SCYGR2: variants seen among roughly 807,000 people sequenced by gnomAD.
SCYGR2 encodes small cysteine and glycine repeat containing 2, also known as small cysteine and glycine repeat-containing protein 2.
exon 1 of SCYGR2, chr2:227,599,069 C>A: frequency 2.5e-6 from 1 of 405,218 alleles, no homozygotes; most frequent in Non-Finnish European, 4.3e-6. Context: ...GCAGCTGCAC[C>A]ACCTGCAGGT....
At chr2:227,599,021 C>CTGT (rs1693639021) in exon 1 of SCYGR2, 3 of 163,664 alleles carry the variant, frequency 1.8e-5, no homozygotes, top group Non-Finnish European at 3.5e-5. Flanking sequence ...GTGGTGGCTG[C>CTGT]GGTGGTGGCT....
At chr2:227,599,187 T>C in exon 1 of SCYGR2, 1 of 396,002 alleles carries the variant, frequency 2.5e-6, no homozygotes, top group Non-Finnish European at 4.4e-6. Flanking sequence ...CTGCCACTCA[T>C]GTGGCTGTGG....
chr2:227,598,916 T>A (rs985962827), exon 1 of SCYGR2: 35 of 420,416 alleles, frequency 8.3e-5, no homozygotes, highest in Non-Finnish European at 1.4e-4. Flanking sequence ...GTTGTGGAGG[T>A]TGTGGTGGCT....
exon 1 of SCYGR2, chr2:227,598,983 T>TGTGGTGGTG (rs1693637172): frequency 2.1e-5 from 8 of 389,680 alleles, no homozygotes; most frequent in Non-Finnish European, 3.1e-5. Flanking sequence ...TGGTGGTGGC[T>TGTGGTGGTG]GCGGTGGTGG....
chr2:227,599,033 C>T (rs78496798), exon 1 of SCYGR2: 58 of 364,346 alleles, frequency 1.6e-4, no homozygotes, highest in South Asian at 4.4e-4. Context: ...GTGGTGGCTG[C>T]GGTGGTGGCT....
At chr2:227,599,176 C>A in exon 1 of SCYGR2, 1 of 399,296 alleles carries the variant, frequency 2.5e-6, no homozygotes, top group Non-Finnish European at 4.4e-6. Flanking sequence ...TGCCGCCGCA[C>A]CTGCCACTCA....
chr2:227,599,009 T>TGGTGGTGGGTGC (rs1693638580), exon 1 of SCYGR2: 5 of 382,102 alleles, frequency 1.3e-5, no homozygotes, highest in African/African-American at 1.1e-4. Flanking sequence ...GTGGTGGCTG[T>TGGTGGTGGGTGC]GGTGGTGGCT....
exon 1 of SCYGR2, chr2:227,599,191 G>C (rs1414629588): frequency 4.5e-5 from 18 of 399,740 alleles, no homozygotes; most frequent in Non-Finnish European, 4.4e-6. Context: ...CACTCATGTG[G>C]CTGTGGCTGT....
exon 1 of SCYGR2, chr2:227,599,230 G>A (rs1197136777): frequency 5.0e-6 from 2 of 399,620 alleles, no homozygotes; most frequent in Non-Finnish European, 8.8e-6. Flanking sequence ...CAGAAATGCT[G>A]CTGCCAGAAG....
exon 1 of SCYGR2, chr2:227,599,029 G>A (rs1302751532): frequency 8.1e-6 from 3 of 370,844 alleles, no homozygotes; most frequent in African/African-American, 6.4e-5. Flanking sequence ...TGCGGTGGTG[G>A]CTGCGGTGGT....
At chr2:227,598,962 G>A (rs1284745993) in exon 1 of SCYGR2, 1 of 243,482 alleles carries the variant, frequency 4.1e-6, no homozygotes, top group African/African-American at 2.9e-5. Flanking sequence ...TGGTGGCTGT[G>A]GTGGTGGCTG....
Position 227,598,973 on chromosome 2 carries a change from T to TGGTGGTAGCTGC in SCYGR2, c.87_88insAGCTGCGGTGGT (p.Gly29_Gly30insSerCysGlyGly), listed in dbSNP as rs1693636955. The stretch of plus-strand genomic sequence containing the variant: ...GCGGTGGTGGCTGTGGTGGTGGCTG[T>TGGTGGTAGCTGC]GGTGGTGGCTGCGGTGGTGGCTGTG... On this transcript the variant is annotated inframe_insertion, in exon 1 of 1. Transcript: ENST00000641394. 4.8e-5 allele frequency: 7 copies of TGGTGGTAGCTGC among 145,978 alleles called. No individual in the cohort carries two copies. The East Asian group carries it at 8.7e-4, about 18-fold the overall frequency. 9.0% of individuals were successfully genotyped at this position (145,978 alleles called of 1,614,324 possible).
chr2:227,599,045 T>C (rs112423131), exon 1 of SCYGR2: 3,998 of 265,046 alleles, frequency 0.015, 54 homozygotes, highest in African/African-American at 0.049. Context: ...GTGGTGGCTG[T>C]GGTGGTAGCT....
exon 1 of SCYGR2, chr2:227,598,956 G>A: frequency 6.7e-6 from 2 of 296,518 alleles, no homozygotes; most frequent in Non-Finnish European, 6.1e-6. Context: ...CTGCGGTGGT[G>A]GCTGTGGTGG....
chr2:227,599,181 C>G (rs79826578), exon 1 of SCYGR2: 12 of 398,948 alleles, frequency 3.0e-5, no homozygotes, highest in East Asian at 3.6e-5. Flanking sequence ...CCGCACCTGC[C>G]ACTCATGTGG....
exon 1 of SCYGR2, chr2:227,598,997 T>TGGTGGCTGC (rs1559217443): frequency 1.0e-5 from 3 of 295,302 alleles, no homozygotes; most frequent in Admixed American, 6.7e-5. Flanking sequence ...GTGGTGGCTG[T>TGGTGGCTGC]GGTGGTGGCT....
chr2:227,599,195 T>C (rs1223380418), exon 1 of SCYGR2: 68 of 399,740 alleles, frequency 1.7e-4, no homozygotes, highest in Non-Finnish European at 2.3e-4. Flanking sequence ...CATGTGGCTG[T>C]GGCTGTGGGA....
chr2:227,598,894 T>G, exon 1 of SCYGR2: 1 of 413,632 alleles, frequency 2.4e-6, no homozygotes, highest in Non-Finnish European at 4.2e-6. Flanking sequence ...ACTGACACCA[T>G]GGGTTGCTGT....
rs551097767 is a variant in SCYGR2, at chr2:227,599,025, G to A, written c.133G>A (p.Gly45Ser). Residue 45 changes from glycine to serine, a missense_variant, in exon 1 of 1, where the codon GGT (glycine) becomes AGT (serine). Coordinates refer to ENST00000641394, the Ensembl canonical transcript of SCYGR2. The stretch of plus-strand genomic sequence containing the variant: ...TGGTGGCTGTGGTGGTGGCTGCGGT[G>A]GTGGCTGCGGTGGTGGCTGTGGTGG... 24 of 322,744 alleles carry A rather than the reference G, an allele frequency of 7.4e-5. No homozygotes were observed. The South Asian group carries it at 2.9e-3, about 39-fold the overall frequency. The allele number at this position is 322,744 out of a possible 1,614,324, so 20.0% of individuals were successfully genotyped here. A position where few individuals can be genotyped will look rare whatever the true frequency, so the allele number is the denominator to read the frequency against.
Sources: gnomAD v4.1 joint callset for allele counts on GRCh38, gnomAD v4.1.1 for gene constraint, MANE v1.5 for transcripts, NCBI Gene and HGNC (gene_info 2026-07-23, HGNC 2026-07-21) for gene names.